The following HAPLN1 variants were observed in gnomAD, a reference collection of about 807,000 sequenced individuals.
HAPLN1 encodes Cartilage link protein.
In HAPLN1, 13 loss-of-function variants were observed where a neutral mutation model predicts 36.5. The ratio of observed to expected loss-of-function variants is 0.36; its 90% CI spans 0.23 to 0.57. The LOEUF is 0.57. HAPLN1 is among the 20% of genes least tolerant of loss of function. HAPLN1 has a pLI of 0.83. For missense variants in HAPLN1, 407 were observed against 439.7 expected (o/e 0.93, Z 0.66); for synonymous variants, 202 against 169.8 (o/e 1.19, Z -1.48).
intron 1 of HAPLN1, among the ~76,000 whole-genome samples, chr5:83,679,566 A>G (rs1750948453): frequency 1.3e-5 from 2 of 152,066 alleles, no homozygotes; most frequent in African/African-American, 4.8e-5. Flanking sequence ...TCTTTTCCCT[A>G]TATTTCATAT....
intron 1 of HAPLN1, among the ~76,000 whole-genome samples, chr5:83,692,081 T>C (rs758310639): frequency 7.3e-5 from 11 of 151,556 alleles, no homozygotes; most frequent in Non-Finnish European, 1.3e-4. Flanking sequence ...ATCAAAACTG[T>C]CCAAAATGAA....
rs773556941 is a variant in HAPLN1, at chr5:83,641,523, A to G, written c.1038T>C (p.Gly346=). ...AGTTGTATGCTCTGAAGCAGTAGAC[A>G]CCATACAGCTTATGCTTTTTATCTG... The part of the protein sequence containing the change: ...GFPDKKHKLY[G]VYCFRAYN The change falls in exon 5 of 5, where the codon GGT becomes GGC. Residue 346 remains glycine (G), a synonymous_variant. Transcript: ENST00000274341. The G allele has an allele frequency of 3.4e-5, 55 of 1,611,748 alleles. No homozygotes were observed. The highest frequency in any genetic ancestry group is 4.4e-5 in the Non-Finnish European group (52 of 1,178,322).
At chr5:83,662,147 C>A (rs1218061675) in intron 2 of HAPLN1, among the ~76,000 whole-genome samples, 1 of 152,084 alleles carries the variant, frequency 6.6e-6, no homozygotes, top group Non-Finnish European at 1.5e-5. Context: ...AGGTGATCTG[C>A]CCCCCTCGGC....
At chr5:83,648,651 T>C (rs1200458150) in intron 3 of HAPLN1, among the ~76,000 whole-genome samples, 2 of 151,852 alleles carry the variant, frequency 1.3e-5, no homozygotes, top group East Asian at 3.9e-4. Context: ...GCAATTACAG[T>C]TGGAAAAGCA....
Position 83,641,861 on chromosome 5 carries a change from G to C in HAPLN1, c.776-76C>G, listed in dbSNP as rs1749714474. The stretch of plus-strand genomic sequence containing the variant: ...ACAGAGATAGAAAGAGCCAAAAACG[G>C]AAGTGTTTCTCAATGAAGGGGGATA... On this transcript the variant is annotated intron_variant, in intron 4 of 4. Coordinates refer to ENST00000274341, the MANE Select transcript of HAPLN1 (RefSeq NM_001884.4). The C allele has an allele frequency of 4.1e-6, 6 of 1,450,418 alleles. No homozygotes were observed. The Admixed American group carries it at 1.2e-4, about 29-fold the overall frequency. The allele number at this position is 1,450,418 out of a possible 1,614,324, so 89.8% of individuals were successfully genotyped here. A position where few individuals can be genotyped will look rare whatever the true frequency, so the allele number is the denominator to read the frequency against.
chr5:83,713,390 T>G (rs1210016379), intron 1 of HAPLN1, among the ~76,000 whole-genome samples: 1 of 152,212 alleles, frequency 6.6e-6, no homozygotes, highest in South Asian at 2.1e-4. Context: ...GAGTGGATAT[T>G]TATAGTTAAT....
At chr5:83,661,467 C>G (rs1381966207) in intron 2 of HAPLN1, among the ~76,000 whole-genome samples, 1 of 85,372 alleles carries the variant, frequency 1.2e-5, no homozygotes, top group Non-Finnish European at 2.1e-5. Flanking sequence ...TTTTTTGAGA[C>G]GGAGTCCTGC....
At position 83,641,318 on chromosome 5, in the gene HAPLN1, T is replaced by C; in HGVS notation, c.*178A>G. 1 of 392,328 alleles carries C rather than the reference T, an allele frequency of 2.5e-6. No homozygotes were observed. The highest frequency in any genetic ancestry group is 4.4e-6 in the Non-Finnish European group (1 of 226,138). 24.3% of individuals were successfully genotyped at this position (392,328 alleles called of 1,614,324 possible). A position where few individuals can be genotyped will look rare whatever the true frequency, so the allele number is the denominator to read the frequency against. On this transcript the variant is annotated 3_prime_UTR_variant, in exon 5 of 5. Transcript: ENST00000274341. ...ATTTATATTAATTTATAATATATAT[T>C]GAATGATAGCTTTACAAAAAACAAA... is the stretch of plus-strand genomic sequence containing the variant.
At chr5:83,668,305 T>C (rs1026727504) in intron 2 of HAPLN1, among the ~76,000 whole-genome samples, 3 of 152,048 alleles carry the variant, frequency 2.0e-5, no homozygotes, top group East Asian at 1.9e-4. Flanking sequence ...GGGGGACAGA[T>C]TGCAATAGTC....
At chr5:83,641,955 C>G (rs1238222648) in intron 4 of HAPLN1, among the ~76,000 whole-genome samples, 170 bp from the exon 5 acceptor site, 1 of 152,168 alleles carries the variant, frequency 6.6e-6, no homozygotes, top group African/African-American at 2.4e-5. Flanking sequence ...TACGTCACTT[C>G]CATTAAATTA....
chr5:83,642,362 A>G (rs1561297699), intron 4 of HAPLN1, among the ~76,000 whole-genome samples: 1 of 152,244 alleles, frequency 6.6e-6, no homozygotes, highest in Non-Finnish European at 1.5e-5. Context: ...CGTACTTAGA[A>G]TGTAAACCTA....
intron 1 of HAPLN1, among the ~76,000 whole-genome samples, chr5:83,698,830 A>G (rs985324159): frequency 2.6e-5 from 4 of 152,216 alleles, no homozygotes; most frequent in African/African-American, 9.6e-5. Flanking sequence ...CCATAGTATA[A>G]TCTCTAAAAT....
At chr5:83,703,241 T>C (rs1561323147) in intron 1 of HAPLN1, among the ~76,000 whole-genome samples, 1 of 152,184 alleles carries the variant, frequency 6.6e-6, no homozygotes, top group Non-Finnish European at 1.5e-5. Context: ...GTTTCATTTT[T>C]CTCTCCAATT....
At chr5:83,676,559 G>A (rs545735102) in intron 1 of HAPLN1, among the ~76,000 whole-genome samples, 40 of 152,280 alleles carry the variant, frequency 2.6e-4, no homozygotes, top group African/African-American at 8.2e-4. Flanking sequence ...GCTGTGCCAC[G>A]GGTCTAAGTG....
At chr5:83,678,591 C>T (rs891083881) in intron 1 of HAPLN1, among the ~76,000 whole-genome samples, 8 of 152,232 alleles carry the variant, frequency 5.3e-5, no homozygotes, top group Non-Finnish European at 7.4e-5. Flanking sequence ...CAGTGCAGGT[C>T]CCTCAAAGCA....
At chr5:83,645,079 C>A (rs1298236523) in intron 3 of HAPLN1, among the ~76,000 whole-genome samples, 2 of 152,058 alleles carry the variant, frequency 1.3e-5, no homozygotes, top group Non-Finnish European at 2.9e-5. Flanking sequence ...GAGTTGGTGG[C>A]AAATATAGAA....
At chr5:83,715,869 G>A (rs1245573465) in intron 1 of HAPLN1, among the ~76,000 whole-genome samples, 1 of 152,078 alleles carries the variant, frequency 6.6e-6, no homozygotes, top group Admixed American at 6.5e-5. Flanking sequence ...GAACTTTTTG[G>A]TTATTTTTGT....
chr5:83,680,589 T>C (rs1345235185), intron 1 of HAPLN1, among the ~76,000 whole-genome samples: 1 of 152,124 alleles, frequency 6.6e-6, no homozygotes, highest in Admixed American at 6.5e-5. Flanking sequence ...GTTGAGGAAG[T>C]CAATAAATAA....
At chr5:83,682,074 A>C (rs116492894) in intron 1 of HAPLN1, among the ~76,000 whole-genome samples, 1,869 of 152,312 alleles carry the variant, frequency 0.012, 11 homozygotes, top group Non-Finnish European at 0.021. Flanking sequence ...AGCCAGCAAA[A>C]CAATATTTTA....
Sources: allele counts gnomAD v4.1 joint callset (sites outside exome capture counted in the v4.1 genomes callset), GRCh38; gene constraint gnomAD v4.1.1; transcripts MANE v1.5; gene names NCBI Gene and HGNC (gene_info 2026-07-23, HGNC 2026-07-21).